Variants in SMURF2 observed in about 807,000 individuals in gnomAD.
SMURF2 encodes E3 ubiquitin-protein ligase SMURF2.
SMURF2 carries 48 observed loss-of-function variants against 109.6 expected under a neutral mutation model. The observed-to-expected ratio is 0.44, with a 90% CI of 0.35 to 0.56. SMURF2 has a LOEUF of 0.56. Ranked by LOEUF, SMURF2 falls within the 20% of genes least tolerant of loss-of-function variation. SMURF2 has a pLI of 0.01. For missense variants in SMURF2, 575 were observed against 909.0 expected (o/e 0.63, Z 4.72); for synonymous variants, 288 against 317.1 (o/e 0.91, Z 0.97).
chr17:64,630,537 C>G (rs1970323968), intron 1 of SMURF2, among the ~76,000 whole-genome samples: 1 of 152,106 alleles, frequency 6.6e-6, no homozygotes, highest in Admixed American at 6.6e-5. Flanking sequence ...TAGGGGTAAG[C>G]AGTAAGGCAG....
intron 10 of SMURF2, among the ~76,000 whole-genome samples, chr17:64,570,959 T>A (rs1410711613): frequency 1.3e-5 from 2 of 152,060 alleles, no homozygotes; most frequent in Non-Finnish European, 1.5e-5. Context: ...TTTAAAAAAA[T>A]TTTTTGAAGA....
At chr17:64,608,100 G>T (rs1170162093) in intron 1 of SMURF2, among the ~76,000 whole-genome samples, 1 of 151,732 alleles carries the variant, frequency 6.6e-6, no homozygotes, top group Admixed American at 6.6e-5. Flanking sequence ...TGATACAAGA[G>T]AAAGAAAAAC....
chr17:64,604,772 C>T (rs557109997), intron 2 of SMURF2, among the ~76,000 whole-genome samples: 2 of 152,024 alleles, frequency 1.3e-5, no homozygotes, highest in African/African-American at 2.4e-5. Flanking sequence ...GGTGAAACTC[C>T]GTCTCTACTA....
rs1969099044 is a variant in SMURF2, at chr17:64,555,002, G to A, written c.1611-9C>T. 1 of 1,609,334 alleles carries A rather than the reference G, an allele frequency of 6.2e-7. No individual in the cohort carries two copies. Among genetic ancestry groups the A allele is most frequent in the Middle Eastern group, 1.7e-4 (1 of 6,040 alleles). On this transcript the variant is annotated splice_polypyrimidine_tract_variant and intron_variant, in intron 14 of 18. Transcript: ENST00000262435. Reference sequence around the variant, plus strand: ...CTGTAATATCATTCTCACTGGATAGGAAAGAGGAAAAGATATGTAACTGGG... The same window carrying A: ...CTGTAATATCATTCTCACTGGATAGAAAAGAGGAAAAGATATGTAACTGGG...
At position 64,662,088 on chromosome 17, in the gene SMURF2, C is replaced by T. The variant is rs1970790062; in HGVS notation, c.-208G>A. 1 of 1,074,778 alleles carries T rather than the reference C, an allele frequency of 9.3e-7. No individual in the cohort carries two copies. The highest frequency in any genetic ancestry group is 1.7e-5 in the African/African-American group (1 of 58,952). The allele number at this position is 1,074,778 out of a possible 1,614,324, so 66.6% of individuals were successfully genotyped here. On this transcript the variant is annotated 5_prime_UTR_variant, in exon 1 of 19. Transcript: ENST00000262435. ...CTCCCCCCTCCTCCCACTTCTCCTT[C>T]CTCGGCCCGGGCCGCACAACAAAGC...
chr17:64,625,035 C>T (rs905528138), intron 1 of SMURF2, among the ~76,000 whole-genome samples: 1 of 152,148 alleles, frequency 6.6e-6, no homozygotes, highest in African/African-American at 2.4e-5. Flanking sequence ...CTAGCATTCA[C>T]AGCCAGTGCC....
intron 1 of SMURF2, among the ~76,000 whole-genome samples, chr17:64,627,405 T>C (rs1433406418): frequency 5.3e-5 from 8 of 152,180 alleles, no homozygotes; most frequent in Non-Finnish European, 8.8e-5. Flanking sequence ...CGTTAGCCAC[T>C]GCATCTGGCC....
rs1414644266 is a variant in SMURF2, at chr17:64,648,049, C to A, written c.52+13780G>T. Among the ~76,000 whole-genome samples, 15 of 92,342 alleles carry A rather than the reference C, an allele frequency of 1.6e-4. 1 individual carries two copies. Among genetic ancestry groups the A allele is most frequent in the African/African-American group, 1.8e-4 (4 of 21,628 alleles). The allele number at this position is 92,342 out of a possible 152,430, so 60.6% of individuals were successfully genotyped here. ...TCCAGCCTGGGCAACACAGTGAGAC[C>A]CTATCTCTTAAAAAAAAAAAAAAAA... On this transcript the variant is annotated intron_variant, in intron 1 of 18. Transcript: ENST00000262435.
intron 8 of SMURF2, among the ~76,000 whole-genome samples, chr17:64,579,354 T>TA (rs1969547051): frequency 6.6e-6 from 1 of 151,822 alleles, no homozygotes; most frequent in East Asian, 1.9e-4. Context: ...CTTCAATACA[T>TA]AAAAAACTAT....
chr17:64,547,799 G>A lies in SMURF2; in HGVS notation c.1872C>T (p.Leu624=), dbSNP rs148192611. The change falls in exon 17 of 19, where the codon CTC becomes CTT. Residue 624 remains leucine (L), a splice_region_variant and synonymous_variant. Transcript: ENST00000262435. This position sits in a 1 kb window ranked among gnomAD's most constrained non-coding sequence, Gnocchi z 4.2. The part of the protein sequence containing the change: ...LKTFDEKELE[L]IICGLGKIDV... ...CTATCTTTCCAAGTCCACAAATAAT[G>A]AGCTGTGAAAATAGTACACAGTAAT... is the stretch of plus-strand genomic sequence containing the variant. 5.1e-5 allele frequency: 82 copies of A among 1,614,080 alleles called. No individual in the cohort carries two copies. In the African/African-American group the frequency reaches 9.1e-4, roughly 18 times the overall value.
rs1970795729 is a variant in SMURF2, at chr17:64,662,287, C to T, written c.-407G>A. The T allele has an allele frequency of 1.0e-5, 10 of 980,718 alleles. No homozygotes were observed. Among genetic ancestry groups the T allele is most frequent in the Non-Finnish European group, 1.2e-5 (10 of 827,404 alleles). 60.8% of individuals were successfully genotyped at this position (980,718 alleles called of 1,614,324 possible). A position where few individuals can be genotyped will look rare whatever the true frequency, so the allele number is the denominator to read the frequency against. ...AGAACTCTGGGCTCGGCCGCTTCCT[C>T]CTCCACCCGCCCTCTTGTCTGAGGG... is the stretch of plus-strand genomic sequence containing the variant. On this transcript the variant is annotated 5_prime_UTR_variant, in exon 1 of 19. Transcript: ENST00000262435.
chr17:64,590,044 C>T (rs1194291840), intron 5 of SMURF2, among the ~76,000 whole-genome samples: 3 of 151,974 alleles, frequency 2.0e-5, no homozygotes, highest in Non-Finnish European at 4.4e-5. Flanking sequence ...AAATAAAGTA[C>T]CTTCAGTAAC....
chr17:64,645,200 C>A (rs1422007077), intron 1 of SMURF2, among the ~76,000 whole-genome samples: 1 of 151,766 alleles, frequency 6.6e-6, no homozygotes, highest in East Asian at 1.9e-4. Context: ...AAGGCTAGGG[C>A]CAAATGATAA....
chr17:64,549,262 CAAAA>C lies in SMURF2; in HGVS notation c.1870-1465_1870-1462del, dbSNP rs577973821. Among the ~76,000 whole-genome samples the C allele has an allele frequency of 1.6e-3, 67 of 41,568 alleles. No individual in the cohort carries two copies. In the South Asian group the frequency reaches 0.059, roughly 37 times the overall value. 27.3% of individuals were successfully genotyped at this position (41,568 alleles called of 152,430 possible). ...TGGGGGACAAGTGAGACTGTGTCTCCAAAAAAAAAAAAAAAAAAAAAAAAAGCCA... is the reference window on the plus strand; with the variant it reads ...TGGGGGACAAGTGAGACTGTGTCTCCAAAAAAAAAAAAAAAAAAAAAGCCA... On this transcript the variant is annotated intron_variant, in intron 16 of 18. Transcript: ENST00000262435.
Position 64,606,633 on chromosome 17 carries a change from A to G in SMURF2, c.60T>C (p.Cys20=). Residue 20 remains cysteine (C), a synonymous_variant, in exon 2 of 19, where the codon TGT becomes TGC. Transcript: ENST00000262435. ...GPVKLRLTVL[C]AKNLVKKDFF... ...AATCCTTTTTCACCAGGTTTTTTGC[A>G]CAGAGTACTGTAAAAAAAAAAAACA... The G allele has an allele frequency of 6.5e-7, 1 of 1,546,274 alleles. No individual in the cohort carries two copies. Among genetic ancestry groups the G allele is most frequent in the South Asian group, 1.2e-5 (1 of 82,390 alleles).
intron 1 of SMURF2, among the ~76,000 whole-genome samples, chr17:64,617,002 G>C (rs1970132828): frequency 7.0e-6 from 1 of 142,556 alleles, no homozygotes; most frequent in Non-Finnish European, 1.5e-5. Context: ...AATCACCTGA[G>C]CCTGCAGTAA....
At chr17:64,603,519 T>C (rs1308169392) in intron 2 of SMURF2, among the ~76,000 whole-genome samples, 3 of 150,730 alleles carry the variant, frequency 2.0e-5, no homozygotes, top group East Asian at 1.9e-4. Context: ...GAGGCAGAGG[T>C]TGCAGTGAGC....
At chr17:64,611,433 C>A (rs1434482468) in intron 1 of SMURF2, among the ~76,000 whole-genome samples, 1 of 152,082 alleles carries the variant, frequency 6.6e-6, no homozygotes, top group Non-Finnish European at 1.5e-5. Context: ...TGCGTTCCCC[C>A]CAAAAATCAC....
chr17:64,659,467 T>C (rs1970746019), intron 1 of SMURF2, among the ~76,000 whole-genome samples: 1 of 152,000 alleles, frequency 6.6e-6, no homozygotes, highest in South Asian at 2.1e-4. Context: ...GTTAAACACT[T>C]AGTCTAAAGG....
Sources: allele counts gnomAD v4.1 joint callset (sites outside exome capture counted in the v4.1 genomes callset), GRCh38; gene constraint gnomAD v4.1.1; non-coding constraint Gnocchi (gnomAD v3.1); transcripts MANE v1.5; gene names NCBI Gene and HGNC (gene_info 2026-07-23, HGNC 2026-07-21).